UBAC2: variants seen among roughly 807,000 people sequenced by gnomAD.
UBAC2 encodes the protein ubiquitin-associated domain-containing protein 2.
Under a neutral mutation model 44.0 loss-of-function variants are expected in UBAC2, and 26 were observed. The ratio of observed to expected loss-of-function variants is 0.59; its 90% confidence interval spans 0.43 to 0.82. UBAC2 has a LOEUF of 0.82. UBAC2 is among the 40% of genes least tolerant of loss of function. The pLI, the probability that UBAC2 is intolerant of heterozygous loss-of-function variation, is 0.00. For synonymous variants in UBAC2, 155 were observed against 154.3 expected, an observed-to-expected ratio of 1.00 and a Z score of -0.04; for missense variants, 329 against 419.4, an observed-to-expected ratio of 0.78 and a Z score of 1.88.
At chr13:99,370,799 C>A (rs896171156) in intron 8 of UBAC2, among the ~76,000 whole-genome samples, 4 of 152,216 alleles carry the variant, frequency 2.6e-5, no homozygotes, top group Non-Finnish European at 1.5e-5. Context: ...AGCAGCTCTT[C>A]AGGATTAACA....
intron 8 of UBAC2, chr13:99,372,579 G>A (rs2045421611): frequency 6.6e-6 from 1 of 152,364 alleles, no homozygotes; most frequent in African/African-American, 2.4e-5. Flanking sequence ...GGACACCAAG[G>A]TGGGGAAGCT....
chr13:99,244,385 A>G, intron 3 of UBAC2, 130 bp from the exon 4 acceptor site: 2 of 596,902 alleles, frequency 3.4e-6, no homozygotes. Flanking sequence ...ATACACACAT[A>G]TGCATGTGTG....
intron 4 of UBAC2, among the ~76,000 whole-genome samples, chr13:99,311,331 CCT>C (rs1473122071): frequency 6.6e-6 from 1 of 152,054 alleles, no homozygotes; most frequent in Non-Finnish European, 1.5e-5. Flanking sequence ...TCAGGGAGGA[CCT>C]CTCTGAGAAG....
intron 1 of UBAC2, among the ~76,000 whole-genome samples, chr13:99,234,694 ATTAGC>A (rs2043214810): frequency 6.6e-6 from 1 of 152,168 alleles, no homozygotes; most frequent in Admixed American, 6.5e-5. Context: ...TTTCCCATGG[ATTAGC>A]TCAGCAAGTA....
chr13:99,314,350 T>G, intron 5 of UBAC2, 130 bp downstream of exon 5: 1 of 1,103,874 alleles, frequency 9.1e-7, no homozygotes, highest in South Asian at 1.8e-5. Context: ...CTTCATGATC[T>G]ATATCAAATG....
intron 4 of UBAC2, among the ~76,000 whole-genome samples, chr13:99,276,199 G>A (rs2043879986): frequency 6.6e-6 from 1 of 152,174 alleles, no homozygotes; most frequent in South Asian, 2.1e-4. Flanking sequence ...CAGTTCTTCT[G>A]AGTGTCCAGC....
In UBAC2 at chr13:99,242,643, C is replaced by CA. The variant is rs1472000963; in HGVS notation, c.160-1188dup. Among the ~76,000 whole-genome samples, 49 of 125,330 alleles carry CA rather than the reference C, an allele frequency of 3.9e-4. 1 individual carries two copies. The highest frequency in any genetic ancestry group is 1.5e-3 in the African/African-American group (49 of 32,602). The allele number at this position is 125,330 out of a possible 152,430, so 82.2% of individuals were successfully genotyped here. On this transcript the variant is annotated intron_variant, in intron 2 of 8. Coordinates refer to ENST00000403766, the MANE Select transcript of UBAC2 (RefSeq NM_001144072.2). The stretch of plus-strand genomic sequence containing the variant: ...TGGCCAGGCGGGGGGCTGACCCCCC[C>CA]ACCTCCCTCCCGGACGGGGCGGCTG...
intron 4 of UBAC2, among the ~76,000 whole-genome samples, chr13:99,310,032 G>A (rs987970302): frequency 1.3e-5 from 2 of 152,212 alleles, no homozygotes; most frequent in Non-Finnish European, 2.9e-5. Context: ...GTAAATATTA[G>A]TGATTTTAAA....
chr13:99,289,259 A>G (rs1004610240), intron 4 of UBAC2, among the ~76,000 whole-genome samples: 1 of 152,244 alleles, frequency 6.6e-6, no homozygotes, highest in African/African-American at 2.4e-5. Context: ...AGGAAGATGG[A>G]TGGCTTTGAG....
At chr13:99,301,950 G>A (rs2044263365) in intron 4 of UBAC2, among the ~76,000 whole-genome samples, 1 of 152,122 alleles carries the variant, frequency 6.6e-6, no homozygotes, top group Non-Finnish European at 1.5e-5. Flanking sequence ...ATGAAAAGGG[G>A]CTTACCTAGG....
chr13:99,205,021 A>G (rs1367297351), intron 1 of UBAC2, among the ~76,000 whole-genome samples: 1 of 148,476 alleles, frequency 6.7e-6, no homozygotes, highest in African/African-American at 2.5e-5. Flanking sequence ...CTTCTGCCTC[A>G]GCATCCTGAG....
At chr13:99,310,781 CA>C (rs1017131908) in intron 4 of UBAC2, among the ~76,000 whole-genome samples, 1 of 151,990 alleles carries the variant, frequency 6.6e-6, no homozygotes, top group African/African-American at 2.4e-5. Context: ...AATGTAACCT[CA>C]AAAAAGAACT....
At chr13:99,274,456 C>T (rs2043857352) in intron 4 of UBAC2, among the ~76,000 whole-genome samples, 1 of 151,718 alleles carries the variant, frequency 6.6e-6, no homozygotes, top group Non-Finnish European at 1.5e-5. Context: ...TCCCCAGTAG[C>T]TGAGACTACA....
rs1157744440 is a variant in UBAC2 at position 99,385,489 on chromosome 13, G to C, written c.*154G>C. On this transcript the variant is annotated 3_prime_UTR_variant, in exon 9 of 9. Transcript: ENST00000403766. The stretch of plus-strand genomic sequence containing the variant: ...CACCCCTGCCCTCAACCGCAAGACT[G>C]TTGCCGTTTTAGTGTGGAGATAAGT... 3.3e-6 allele frequency: 2 copies of C among 597,130 alleles called. No homozygotes were observed. Among genetic ancestry groups the C allele is most frequent in the African/African-American group, 3.7e-5 (2 of 54,242 alleles). The allele number at this position is 597,130 out of a possible 1,614,324, so 37.0% of individuals were successfully genotyped here. A position where few individuals can be genotyped will look rare whatever the true frequency, so the allele number is the denominator to read the frequency against.
In UBAC2 at chr13:99,242,018, G is replaced by T. The variant is rs373860989; in HGVS notation, c.160-1814G>T. Among the ~76,000 whole-genome samples the T allele has an allele frequency of 1.3e-3, 196 of 151,060 alleles. 4 individuals are homozygous for T. In the East Asian group the frequency reaches 0.027, roughly 21 times the overall value. On this transcript the variant is annotated intron_variant, in intron 2 of 8. Transcript: ENST00000403766. ...CCCTTAATCCATTTAACCCTGAGTG[G>T]ACACAGCACATGTTTCAGAGAGCAC...
At chr13:99,289,860 G>T (rs1431290462) in intron 4 of UBAC2, among the ~76,000 whole-genome samples, 2 of 152,244 alleles carry the variant, frequency 1.3e-5, no homozygotes, top group East Asian at 3.9e-4. Flanking sequence ...AGAGGAGAAT[G>T]CCACTCCCTC....
chr13:99,332,962 A>G lies in UBAC2; in HGVS notation c.562-7358A>G, dbSNP rs73568089. Among the ~76,000 whole-genome samples, 1,027 of 152,248 alleles carry G rather than the reference A, an allele frequency of 6.7e-3. 10 individuals are homozygous for G. The highest frequency in any genetic ancestry group is 0.024 in the African/African-American group (985 of 41,520). On this transcript the variant is annotated intron_variant, in intron 6 of 8. Coordinates refer to ENST00000403766, the MANE Select transcript of UBAC2 (RefSeq NM_001144072.2). ...AGAAGACCTAGTGTAAAAAAGGTTT[A>G]TGAGATCATGAAAATTAGGTCAGGC...
At chr13:99,369,391 T>G (rs2045376348) in intron 8 of UBAC2, among the ~76,000 whole-genome samples, 1 of 152,220 alleles carries the variant, frequency 6.6e-6, no homozygotes, top group Non-Finnish European at 1.5e-5. Flanking sequence ...GAGACTCTTT[T>G]GCGATGCTGG....
intron 1 of UBAC2, among the ~76,000 whole-genome samples, chr13:99,235,472 A>G (rs1440568491): frequency 2.6e-5 from 4 of 152,232 alleles, no homozygotes; most frequent in African/African-American, 7.2e-5. Context: ...TGAGTAGCCA[A>G]AATAATCCTG....
Sources: gnomAD v4.1 joint callset for allele counts (sites outside exome capture counted in the v4.1 genomes callset) on GRCh38, gnomAD v4.1.1 for gene constraint, MANE v1.5 for transcripts, NCBI Gene and HGNC (gene_info 2026-07-23, HGNC 2026-07-21) for gene names.